Variants in HNRNPD observed in about 807,000 individuals in gnomAD.
HNRNPD encodes heterogeneous nuclear ribonucleoprotein D0.
HNRNPD carries 3 observed loss-of-function variants against 47.9 expected under a neutral mutation model. The observed-to-expected ratio is 0.06, with a 90% CI of 0.03 to 0.16. HNRNPD has a LOEUF of 0.16. HNRNPD is among the 10% of genes least tolerant of loss of function. HNRNPD has a pLI of 1.00. For synonymous variants in HNRNPD, 171 were observed against 165.1 expected, an observed-to-expected ratio of 1.04 and a Z score of -0.28; for missense variants, 287 against 454.2, an observed-to-expected ratio of 0.63 and a Z score of 3.35.
chr4:82,366,685 G>A (rs755825484), intron 2 of HNRNPD, among the ~76,000 whole-genome samples: 3 of 152,030 alleles, frequency 2.0e-5, no homozygotes, highest in Non-Finnish European at 4.4e-5. Context: ...TCCCGCCTCA[G>A]CCTCCTGAGT....
At chr4:82,372,566 G>C (rs545881974) in intron 1 of HNRNPD, among the ~76,000 whole-genome samples, 2 of 152,224 alleles carry the variant, frequency 1.3e-5, no homozygotes, top group Non-Finnish European at 2.9e-5. Context: ...CACATAAAAA[G>C]TAAGGTACAA....
intron 1 of HNRNPD, 136 bp downstream of exon 1, chr4:82,373,310 A>C: frequency 8.6e-7 from 1 of 1,169,062 alleles, no homozygotes; most frequent in Non-Finnish European, 1.2e-6. Flanking sequence ...ACATAGAAAA[A>C]GGGAGACCAG....
rs1723621604 is a variant in HNRNPD, at chr4:82,354,162, CAAA to C, written c.*31-11_*31-9del. On this transcript the variant is annotated splice_polypyrimidine_tract_variant and intron_variant, in intron 8 of 8. Transcript: ENST00000313899. ...AAAATACTGCTTCACCACCTGGAGA[CAAA>C]GAAGAAAAAATAGAAGTCACTCTGG... 1 of 152,316 alleles carries C rather than the reference CAAA, an allele frequency of 6.6e-6. No homozygotes were observed. The highest frequency in any genetic ancestry group is 1.5e-5 in the Non-Finnish European group (1 of 68,000). The allele number at this position is 152,316 out of a possible 1,614,324, so 9.4% of individuals were successfully genotyped here.
Position 82,371,457 on chromosome 4 carries a change from C to A in HNRNPD, c.290+71G>T. On this transcript the variant is annotated intron_variant, in intron 2 of 8. Transcript: ENST00000313899. ...TCCTGGGGATCAATGGGCAACTAAC[C>A]AATACACAGCCTCTACATATTATGA... 2.5e-6 allele frequency: 3 copies of A among 1,222,496 alleles called. No homozygotes were observed. In the South Asian group the frequency reaches 3.9e-5, roughly 16 times the overall value. The allele number at this position is 1,222,496 out of a possible 1,614,324, so 75.7% of individuals were successfully genotyped here.
intron 2 of HNRNPD, among the ~76,000 whole-genome samples, chr4:82,363,513 A>C (rs1240288078): frequency 6.6e-6 from 1 of 152,200 alleles, no homozygotes. Context: ...AATGAAGTAG[A>C]CAGAACTTCA....
intron 4 of HNRNPD, 72 bp downstream of exon 4, chr4:82,358,587 C>A (rs1216003350): frequency 2.9e-6 from 4 of 1,372,756 alleles, no homozygotes; most frequent in Non-Finnish European, 3.0e-6. Context: ...CCAAGTGACT[C>A]TGAGTCCATA....
At position 82,373,749 on chromosome 4, in the gene HNRNPD, G is replaced by A. The variant is rs1168166070; in HGVS notation, c.-71C>T. 6.6e-6 allele frequency: 10 copies of A among 1,524,980 alleles called. No individual in the cohort carries two copies. Among genetic ancestry groups the A allele is most frequent in the Non-Finnish European group, 8.8e-6 (10 of 1,142,550 alleles). The allele number at this position is 1,524,980 out of a possible 1,614,324, so 94.5% of individuals were successfully genotyped here. ...GCCGCGAACCGAAACTAGCAGCAAA[G>A]TAATCCCCGCCGCTGCCGCGCGCCC... On this transcript the variant is annotated 5_prime_UTR_variant, in exon 1 of 9. Transcript: ENST00000313899.
At chr4:82,354,653 A>G (rs2109987401) in intron 8 of HNRNPD, 2 of 152,814 alleles carry the variant, frequency 1.3e-5, no homozygotes, top group South Asian at 4.1e-4. Context: ...GCAAGCATTA[A>G]AATAGATTAA....
intron 7 of HNRNPD, 154 bp downstream of exon 7, chr4:82,356,383 A>T: frequency 3.2e-6 from 2 of 616,546 alleles, no homozygotes; most frequent in South Asian, 2.0e-5. Context: ...GGCTGGGAGG[A>T]ACCAAGCAAT....
intron 2 of HNRNPD, among the ~76,000 whole-genome samples, chr4:82,360,897 T>G (rs941512671): frequency 1.3e-5 from 2 of 152,204 alleles, no homozygotes; most frequent in African/African-American, 4.8e-5. Flanking sequence ...CTTGTTTTAC[T>G]TCTAGTGACA....
chr4:82,364,334 TA>T (rs1719636768), intron 2 of HNRNPD, among the ~76,000 whole-genome samples: 1 of 152,178 alleles, frequency 6.6e-6, no homozygotes, highest in Admixed American at 6.5e-5. Flanking sequence ...TTCCCATCTG[TA>T]AAAAGAGCAT....
chr4:82,365,197 A>T (rs975714686), intron 2 of HNRNPD, among the ~76,000 whole-genome samples: 2 of 152,074 alleles, frequency 1.3e-5, no homozygotes, highest in African/African-American at 4.8e-5. Flanking sequence ...TTAACTTTTA[A>T]ACACTTCCTA....
At chr4:82,364,582 T>C (rs1719661201) in intron 2 of HNRNPD, among the ~76,000 whole-genome samples, 1 of 152,124 alleles carries the variant, frequency 6.6e-6, no homozygotes, top group Non-Finnish European at 1.5e-5. Context: ...CCACAATGAG[T>C]TTTATATAAA....
Position 82,373,838 on chromosome 4 carries a change from C to T in HNRNPD, c.-160G>A. On this transcript the variant is annotated 5_prime_UTR_variant, in exon 1 of 9. Transcript: ENST00000313899. Reference sequence around the variant, plus strand: ...CGCGTGGCTGCAAAGGCTCCTGCGCCTCTCCCTGGCCTGCCCCCTTCGCCT... The same window carrying T: ...CGCGTGGCTGCAAAGGCTCCTGCGCTTCTCCCTGGCCTGCCCCCTTCGCCT... 2 of 1,456,114 alleles carry T rather than the reference C, an allele frequency of 1.4e-6. No homozygotes were observed. The highest frequency in any genetic ancestry group is 1.8e-6 in the Non-Finnish European group (2 of 1,099,878). The allele number at this position is 1,456,114 out of a possible 1,614,324, so 90.2% of individuals were successfully genotyped here.
intron 2 of HNRNPD, among the ~76,000 whole-genome samples, chr4:82,366,415 T>C (rs895558332): frequency 6.6e-6 from 1 of 152,072 alleles, no homozygotes; most frequent in East Asian, 1.9e-4. Flanking sequence ...GGCTAATTTC[T>C]GTATTTTTAG....
At position 82,372,968 on chromosome 4, in the gene HNRNPD, C is replaced by T. The variant is rs1211656849; in HGVS notation, c.233+478G>A. Among the ~76,000 whole-genome samples, 10 of 152,160 alleles carry T rather than the reference C, an allele frequency of 6.6e-5. No homozygotes were observed. In the South Asian group the frequency reaches 1.9e-3, roughly 28 times the overall value. On this transcript the variant is annotated intron_variant, in intron 1 of 8. Transcript: ENST00000313899. ...GCCTACGCGTTCCCCAAAACATGTG[C>T]TTATAAACAATCGCATCGTTTCAGG...
intron 6 of HNRNPD, 21 bp from the exon 7 acceptor site, chr4:82,356,704 C>T (rs756060459): frequency 6.2e-7 from 1 of 1,613,562 alleles, no homozygotes; most frequent in African/African-American, 1.3e-5. Flanking sequence ...TTAATAGGTT[C>T]ACTAAAGTCA....
chr4:82,370,981 T>TATACACACACAC (rs142474751), intron 2 of HNRNPD, among the ~76,000 whole-genome samples: 10,237 of 149,354 alleles, frequency 0.069, 446 homozygotes, highest in Non-Finnish European at 0.1. Flanking sequence ...GGTATATATA[T>TATACACACACAC]ACACACACAC....
Position 82,352,595 on chromosome 4 carries a change from A to G in HNRNPD, c.*1590T>C, listed in dbSNP as rs563083515. On this transcript the variant is annotated 3_prime_UTR_variant, in exon 9 of 9. Transcript: ENST00000313899. ...AACAACCCTAACACAAAAAATTTTC[A>G]TTTATTTTGACCATGAGTCAGCAAA... is the stretch of plus-strand genomic sequence containing the variant. The G allele has an allele frequency of 1.6e-4, 24 of 152,310 alleles. No individual in the cohort carries two copies. The highest frequency in any genetic ancestry group is 5.5e-4 in the African/African-American group (23 of 41,572). 9.4% of individuals were successfully genotyped at this position (152,310 alleles called of 1,614,324 possible).
Sources: gnomAD v4.1 joint callset for allele counts (sites outside exome capture counted in the v4.1 genomes callset) on GRCh38, gnomAD v4.1.1 for gene constraint, MANE v1.5 for transcripts, NCBI Gene and HGNC (gene_info 2026-07-23, HGNC 2026-07-21) for gene names.